ASIC2: variants seen among roughly 807,000 people sequenced by gnomAD.
ASIC2 encodes the protein acid-sensing ion channel 2.
Under a neutral mutation model 57.3 loss-of-function variants are expected in ASIC2, and 25 were observed. That is an observed-to-expected ratio of 0.44 (90% CI 0.32 to 0.61). The LOEUF is 0.61. ASIC2 is among the 20% of genes least tolerant of loss of function. The probability of loss-of-function intolerance (pLI) is 0.06; values close to 1 mark genes in which losing one functional copy is unlikely to be tolerated. For synonymous variants in ASIC2, 319 were observed against 307.5 expected, an observed-to-expected ratio of 1.04 and a Z score of -0.39; for missense variants, 641 against 738.1, an observed-to-expected ratio of 0.87 and a Z score of 1.52.
At chr17:33,239,235 C>T (rs9748053) in intron 1 of ASIC2, among the ~76,000 whole-genome samples, 8,273 of 151,748 alleles carry the variant, frequency 0.055, 454 homozygotes, top group African/African-American at 0.14. Context: ...AGGTTGCAGT[C>T]AGCCAAGATC....
At chr17:33,531,049 C>T (rs891829262) in intron 1 of ASIC2, among the ~76,000 whole-genome samples, 26 of 148,370 alleles carry the variant, frequency 1.8e-4, no homozygotes, top group Middle Eastern at 3.4e-3. Flanking sequence ...AAATTAATTA[C>T]TAATTTTTAA....
At chr17:33,198,775 G>A (rs1906740554) in intron 1 of ASIC2, among the ~76,000 whole-genome samples, 1 of 152,200 alleles carries the variant, frequency 6.6e-6, no homozygotes, top group Non-Finnish European at 1.5e-5. Context: ...GCAAATAAAG[G>A]TTTCTTCAAA....
intron 1 of ASIC2, among the ~76,000 whole-genome samples, chr17:34,139,024 A>G (rs1912198965): frequency 6.6e-6 from 1 of 152,204 alleles, no homozygotes; most frequent in African/African-American, 2.4e-5. Context: ...AGAATGATAG[A>G]ATTGGGAAAT....
chr17:33,395,163 C>T (rs962549484), intron 1 of ASIC2, among the ~76,000 whole-genome samples: 3 of 151,554 alleles, frequency 2.0e-5, no homozygotes, highest in Admixed American at 2.0e-4. Flanking sequence ...CACTCACCCA[C>T]CCATTTACCC....
intron 1 of ASIC2, among the ~76,000 whole-genome samples, chr17:34,142,001 T>A (rs1320440090): frequency 6.6e-6 from 1 of 152,158 alleles, no homozygotes; most frequent in Non-Finnish European, 1.5e-5. Context: ...TAATTCAACA[T>A]TTTGTTAATA....
chr17:33,369,621 C>G (rs1908965125), intron 1 of ASIC2, among the ~76,000 whole-genome samples: 1 of 152,140 alleles, frequency 6.6e-6, no homozygotes, highest in Non-Finnish European at 1.5e-5. Context: ...TTCTTTGTAA[C>G]AATCCTGCAA....
At chr17:33,475,971 A>T (rs1282003133) in intron 1 of ASIC2, among the ~76,000 whole-genome samples, 1 of 152,214 alleles carries the variant, frequency 6.6e-6, no homozygotes, top group Non-Finnish European at 1.5e-5. Flanking sequence ...TTACACCGAC[A>T]TCATGAGAGG....
At chr17:33,243,731 G>A (rs1367854768) in intron 1 of ASIC2, among the ~76,000 whole-genome samples, 1 of 152,028 alleles carries the variant, frequency 6.6e-6, no homozygotes, top group Non-Finnish European at 1.5e-5. Context: ...ACTCTTCTAG[G>A]GCTTTTTTTC....
intron 1 of ASIC2, among the ~76,000 whole-genome samples, chr17:33,272,308 C>A (rs1904526729): frequency 6.6e-6 from 1 of 152,140 alleles, no homozygotes; most frequent in South Asian, 2.1e-4. Flanking sequence ...ATCCCATTGT[C>A]TTCTAAACTA....
intron 1 of ASIC2, among the ~76,000 whole-genome samples, chr17:34,000,176 T>C (rs1906290379): frequency 6.6e-6 from 1 of 152,018 alleles, no homozygotes; most frequent in African/African-American, 2.4e-5. Context: ...AAGTTGCTTT[T>C]CTCTTGATGC....
chr17:33,506,249 A>G (rs1206499392), intron 1 of ASIC2, among the ~76,000 whole-genome samples: 2 of 151,376 alleles, frequency 1.3e-5, no homozygotes, highest in Admixed American at 6.6e-5. Context: ...AAAAAAAAAA[A>G]AAAAAAAGAA....
intron 1 of ASIC2, among the ~76,000 whole-genome samples, chr17:33,282,125 T>C (rs372159670): frequency 1.3e-5 from 2 of 152,378 alleles, no homozygotes; most frequent in South Asian, 2.1e-4. Context: ...AGGTCTGTAA[T>C]AGAAAGTGTT....
chr17:33,128,705 G>A (rs2092334148), intron 1 of ASIC2, among the ~76,000 whole-genome samples: 1 of 152,224 alleles, frequency 6.6e-6, no homozygotes, highest in Non-Finnish European at 1.5e-5. Flanking sequence ...GGAACTGTGG[G>A]TGAGGTGCCT....
chr17:33,963,033 C>T (rs889383709), intron 1 of ASIC2, among the ~76,000 whole-genome samples: 23 of 152,132 alleles, frequency 1.5e-4, no homozygotes, highest in African/African-American at 5.3e-4. Flanking sequence ...GTCTCTCCAC[C>T]TCCCAGGTTC....
chr17:33,630,489 G>A (rs1015599940), intron 1 of ASIC2, among the ~76,000 whole-genome samples: 1 of 152,082 alleles, frequency 6.6e-6, no homozygotes, highest in African/African-American at 2.4e-5. Context: ...GTGCCCCGTG[G>A]AGATGTCTGA....
chr17:33,836,958 G>A (rs915153725), intron 1 of ASIC2, among the ~76,000 whole-genome samples: 3 of 152,214 alleles, frequency 2.0e-5, no homozygotes, highest in Admixed American at 1.3e-4. Flanking sequence ...GTGTTTTACT[G>A]TACTTAGTAC....
At chr17:33,698,623 A>G (rs1908602185) in intron 1 of ASIC2, among the ~76,000 whole-genome samples, 1 of 152,182 alleles carries the variant, frequency 6.6e-6, no homozygotes. Flanking sequence ...TGGTAACTAA[A>G]TTGGGGTGAA....
intron 1 of ASIC2, among the ~76,000 whole-genome samples, chr17:33,136,454 T>G (rs1181498566): frequency 6.6e-6 from 1 of 152,242 alleles, no homozygotes; most frequent in Non-Finnish European, 1.5e-5. Flanking sequence ...CTTGGATATC[T>G]ATGAATGTAT....
At chr17:33,971,215 C>A (rs527404279) in intron 1 of ASIC2, among the ~76,000 whole-genome samples, 2 of 152,234 alleles carry the variant, frequency 1.3e-5, no homozygotes, top group East Asian at 3.9e-4. Context: ...GCTGTGCTAG[C>A]GGCACACCAG....
Sources: gnomAD v4.1 joint callset for allele counts (sites outside exome capture counted in the v4.1 genomes callset) on GRCh38, gnomAD v4.1.1 for gene constraint, MANE v1.5 for transcripts, NCBI Gene and HGNC (gene_info 2026-07-23, HGNC 2026-07-21) for gene names.